Variants in NDEL1 observed in about 807,000 individuals in gnomAD.
The protein encoded by NDEL1 is nudE neurodevelopment protein 1 like 1, also known as nuclear distribution protein nudE-like 1.
NDEL1 carries 9 observed loss-of-function variants against 45.7 expected under a neutral mutation model. That is an observed-to-expected ratio of 0.20 (90% CI 0.12 to 0.34). The LOEUF (loss-of-function observed/expected upper bound fraction) is 0.34, where lower values mean the gene tolerates loss of function less well. NDEL1 is among the 10% of genes least tolerant of loss of function. The probability of loss-of-function intolerance (pLI) is 1.00; values close to 1 mark genes in which losing one functional copy is unlikely to be tolerated. For synonymous variants in NDEL1, 133 were observed against 158.6 expected (o/e 0.84, Z 1.21); for missense variants, 306 against 406.2 (o/e 0.75, Z 2.12).
intron 8 of NDEL1, among the ~76,000 whole-genome samples, chr17:8,460,927 A>G (rs557924297): frequency 1.3e-5 from 2 of 152,090 alleles, no homozygotes; most frequent in African/African-American, 4.8e-5. Flanking sequence ...TTCTACCTCA[A>G]TTTACTTATT....
chr17:8,469,683 G>A (rs943025055), downstream of NDEL1, among the ~76,000 whole-genome samples: 1 of 149,054 alleles, frequency 6.7e-6, no homozygotes, highest in Non-Finnish European at 1.5e-5. Context: ...AGCAGTGGGG[G>A]GTTATATACC....
In NDEL1 at chr17:8,465,479, A is replaced by G. The variant is rs569921377; in HGVS notation, c.945-1451A>G. The G allele has an allele frequency of 1.6e-4, 25 of 152,320 alleles. No homozygotes were observed. In the South Asian group the frequency reaches 5.2e-3, roughly 32 times the overall value. 9.4% of individuals were successfully genotyped at this position (152,320 alleles called of 1,614,324 possible). A position where few individuals can be genotyped will look rare whatever the true frequency, so the allele number is the denominator to read the frequency against. On this transcript the variant is annotated intron_variant, in intron 8 of 8. Coordinates refer to ENST00000334527, the MANE Select transcript of NDEL1 (RefSeq NM_030808.5). This position sits in a 1 kb window ranked among gnomAD's most constrained non-coding sequence, Gnocchi z 4.9. Reference sequence around the variant, plus strand: ...TGCGTGGTTGGAATTTAAACTCCACATATGTACTCTGAGTTTAGTTTCTTT... The same window carrying G: ...TGCGTGGTTGGAATTTAAACTCCACGTATGTACTCTGAGTTTAGTTTCTTT...
At chr17:8,466,364 C>A (rs1005212759) in intron 8 of NDEL1, 2 of 153,020 alleles carry the variant, frequency 1.3e-5, no homozygotes, top group East Asian at 1.9e-4. Context: ...ACACACTCCC[C>A]CTCTGTCCCT....
At chr17:8,463,992 G>A (rs1324231380) in intron 8 of NDEL1, among the ~76,000 whole-genome samples, 1 of 152,206 alleles carries the variant, frequency 6.6e-6, no homozygotes, top group Non-Finnish European at 1.5e-5. Flanking sequence ...TGGATAGCTT[G>A]AGCCCACCCT....
At chr17:8,425,317 G>T (rs916586634) in intron 1 of NDEL1, among the ~76,000 whole-genome samples, 18 of 152,334 alleles carry the variant, frequency 1.2e-4, no homozygotes, top group African/African-American at 4.3e-4. Flanking sequence ...GCGCAGTGGC[G>T]CATGCCTGTA....
chr17:8,454,915 G>A (rs1597548735), intron 7 of NDEL1, 28 bp downstream of exon 7: 2 of 1,521,294 alleles, frequency 1.3e-6, no homozygotes, highest in Non-Finnish European at 1.8e-6. Flanking sequence ...ATCACTAGGT[G>A]TTTCCACTGA....
At chr17:8,425,581 C>A (rs1240109492) in intron 1 of NDEL1, among the ~76,000 whole-genome samples, 437 of 131,116 alleles carry the variant, frequency 3.3e-3, no homozygotes, top group African/African-American at 3.9e-3. Context: ...GACCTTGTCT[C>A]AAAAAAAAAA....
At position 8,446,795 on chromosome 17, in the gene NDEL1, C is replaced by G; in HGVS notation, c.282C>G (p.Val94=). ...AATATGCACAGAGCTATAAGCAGGT[C>G]TCAGTGTTAGAAGATGATTTAAGTC... The part of the protein sequence containing the change: ...EHQYAQSYKQ[V]SVLEDDLSQT... Residue 94 remains valine (V), a synonymous_variant, in exon 4 of 9, where the codon GTC becomes GTG. Transcript: ENST00000334527. The G allele has an allele frequency of 6.2e-7, 1 of 1,614,094 alleles. No homozygotes were observed. The highest frequency in any genetic ancestry group is 1.1e-5 in the South Asian group (1 of 91,078).
intron 1 of NDEL1, among the ~76,000 whole-genome samples, chr17:8,437,079 G>T (rs1347826752): frequency 6.6e-6 from 1 of 152,182 alleles, no homozygotes. Flanking sequence ...CGGCTGCTCA[G>T]TCATGAGAAA....
At chr17:8,416,066 C>T (rs1188738207) in intron 1 of NDEL1, among the ~76,000 whole-genome samples, 2 of 152,034 alleles carry the variant, frequency 1.3e-5, no homozygotes, top group South Asian at 2.1e-4. Flanking sequence ...CATTTTTAAG[C>T]GTACAGTTCA....
Position 8,443,633 on chromosome 17 carries a change from CT to C in NDEL1, c.-12-626del, listed in dbSNP as rs1158405923. Among the ~76,000 whole-genome samples the C allele has an allele frequency of 2.6e-5, 4 of 152,218 alleles. 1 individual carries two copies. The South Asian group carries it at 8.3e-4, about 32-fold the overall frequency. On this transcript the variant is annotated intron_variant, in intron 1 of 8. Transcript: ENST00000334527. ...AGTTAATTAAATCGCTTTTTTTCTC[CT>C]CTCTGAATGCCTTGGGAGAGAAGAA... is the stretch of plus-strand genomic sequence containing the variant.
At chr17:8,414,187 A>C (rs1908488562) in intron 1 of NDEL1, among the ~76,000 whole-genome samples, 1 of 152,174 alleles carries the variant, frequency 6.6e-6, no homozygotes, top group Non-Finnish European at 1.5e-5. Flanking sequence ...CCAGTCTCCT[A>C]TTGGTGGGTG....
intron 1 of NDEL1, among the ~76,000 whole-genome samples, chr17:8,421,712 C>T (rs1908712339): frequency 6.6e-6 from 1 of 152,120 alleles, no homozygotes; most frequent in Non-Finnish European, 1.5e-5. Flanking sequence ...CCTTAGATGC[C>T]CATGAAGTGG....
At chr17:8,428,314 AGT>A (rs796793337) in intron 1 of NDEL1, among the ~76,000 whole-genome samples, 109 of 139,798 alleles carry the variant, frequency 7.8e-4, no homozygotes, top group African/African-American at 2.6e-3. Flanking sequence ...TCAAGGCTCA[AGT>A]GTGTGTGGTG....
intron 1 of NDEL1, among the ~76,000 whole-genome samples, chr17:8,439,027 T>A (rs8076637): frequency 6.7e-6 from 1 of 150,270 alleles, no homozygotes; most frequent in African/African-American, 2.5e-5. Context: ...CTGCAAGTTC[T>A]GCCTCCCGGG....
rs1048722181 is a variant in NDEL1, at chr17:8,426,264, G to T, written c.-13+12995G>T. Among the ~76,000 whole-genome samples, 3 of 152,282 alleles carry T rather than the reference G, an allele frequency of 2.0e-5. No homozygotes were observed. The East Asian group carries it at 5.8e-4, about 29-fold the overall frequency. On this transcript the variant is annotated intron_variant, in intron 1 of 4. Transcript: ENST00000582812. ...TGAATGGTTGGAAGCATGATCTTTT[G>T]GTCCTGGCAACTTTGACTCATTGGC...
chr17:8,462,348 A>G (rs75570708), intron 8 of NDEL1, among the ~76,000 whole-genome samples: 160 of 152,196 alleles, frequency 1.1e-3, no homozygotes, highest in Non-Finnish European at 1.9e-3. Context: ...ATATTAACCT[A>G]CTGTTGCTGG....
intron 1 of NDEL1, among the ~76,000 whole-genome samples, chr17:8,413,787 T>G (rs1047092666): frequency 4.6e-5 from 7 of 152,232 alleles, no homozygotes; most frequent in Non-Finnish European, 8.8e-5. Context: ...TTTTTGGATG[T>G]TTGTAAACTT....
At chr17:8,418,620 T>C (rs1485450916) in intron 1 of NDEL1, among the ~76,000 whole-genome samples, 1 of 152,098 alleles carries the variant, frequency 6.6e-6, no homozygotes, top group Non-Finnish European at 1.5e-5. Flanking sequence ...AAAAAGTTTA[T>C]GGCTGCTTCC....
Sources: allele counts gnomAD v4.1 joint callset (sites outside exome capture counted in the v4.1 genomes callset), GRCh38; gene constraint gnomAD v4.1.1; non-coding constraint Gnocchi (gnomAD v3.1); transcripts MANE v1.5; gene names NCBI Gene and HGNC (gene_info 2026-07-23, HGNC 2026-07-21).